The following TNIK variants were observed in gnomAD, a reference collection of about 807,000 sequenced individuals.
The protein encoded by TNIK is TRAF2 and NCK interacting kinase, also known as TRAF2 and NCK-interacting protein kinase.
In TNIK, 49 loss-of-function variants were observed where a neutral mutation model predicts 191.3. That is an observed-to-expected ratio of 0.26 (90% CI 0.20 to 0.32). TNIK has a LOEUF of 0.32. TNIK is among the 10% of genes least tolerant of loss of function. The pLI is 1.00. For synonymous variants in TNIK, 594 were observed against 600.9 expected (o/e 0.99, Z 0.17); for missense variants, 1,155 against 1,702.3 (o/e 0.68, Z 5.66).
chr3:171,369,186 T>C (rs1464134519), intron 2 of TNIK, among the ~76,000 whole-genome samples: 1 of 152,196 alleles, frequency 6.6e-6, no homozygotes, highest in African/African-American at 2.4e-5. Flanking sequence ...AACCCAGTTT[T>C]CTTCCAACAC....
intron 12 of TNIK, 136 bp downstream of exon 12, chr3:171,157,324 T>A (rs954935467): frequency 1.2e-5 from 13 of 1,081,534 alleles, no homozygotes; most frequent in Non-Finnish European, 1.7e-5. Context: ...TCAGGACTTA[T>A]CTGCCCTTGC....
chr3:171,211,304 C>A, intron 3 of TNIK, 63 bp from the exon 4 acceptor site: 1 of 1,516,048 alleles, frequency 6.6e-7, no homozygotes, highest in Non-Finnish European at 8.8e-7. Flanking sequence ...GGATTCTGTT[C>A]TTCAACACCA....
chr3:171,177,248 C>T lies in TNIK; in HGVS notation c.694+78G>A, dbSNP rs1736077327. Reference sequence around the variant, plus strand: ...GCTCGGTGTAGTGGAAGTAAAGCAACTGCAGCTCCTGGCAAGGAAACTTCA... The same window carrying T: ...GCTCGGTGTAGTGGAAGTAAAGCAATTGCAGCTCCTGGCAAGGAAACTTCA... On this transcript the variant is annotated intron_variant, in intron 8 of 32. Transcript: ENST00000436636. The T allele has an allele frequency of 1.3e-5, 19 of 1,493,692 alleles. No homozygotes were observed. In the South Asian group the frequency reaches 2.0e-4, roughly 16 times the overall value. The allele number at this position is 1,493,692 out of a possible 1,614,324, so 92.5% of individuals were successfully genotyped here.
intron 21 of TNIK, 101 bp from the exon 22 acceptor site, chr3:171,101,734 A>T: frequency 8.5e-7 from 1 of 1,179,490 alleles, no homozygotes; most frequent in Non-Finnish European, 1.2e-6. Context: ...GAAAAAAAAA[A>T]GCTCTATATA....
In TNIK at chr3:171,252,108, TA is replaced by T. The variant is rs1746301553; in HGVS notation, c.124-23888del. ...TGTGTGTGTGTCATATCTCTTTACT[TA>T]ACAGCCAAAACAATCTCCTATGTTA... On this transcript the variant is annotated intron_variant, in intron 2 of 32. Coordinates refer to ENST00000436636, the MANE Select transcript of TNIK (RefSeq NM_015028.4). Among the ~76,000 whole-genome samples, 5 of 152,092 alleles carry T rather than the reference TA, an allele frequency of 3.3e-5. No individual in the cohort carries two copies. The South Asian group carries it at 1.0e-3, about 32-fold the overall frequency.
chr3:171,117,164 A>G (rs1726855452), intron 18 of TNIK, among the ~76,000 whole-genome samples: 1 of 152,238 alleles, frequency 6.6e-6, no homozygotes, highest in Non-Finnish European at 1.5e-5. Context: ...AAATAACAAT[A>G]GGATCAAGAG....
intron 2 of TNIK, among the ~76,000 whole-genome samples, chr3:171,262,291 C>G (rs76189435): frequency 0.064 from 9,713 of 152,014 alleles, 361 homozygotes; most frequent in Middle Eastern, 0.12. Context: ...TCACATCACA[C>G]CCCACCCCAC....
At chr3:171,174,065 G>A (rs984181368) in intron 9 of TNIK, among the ~76,000 whole-genome samples, 1 of 152,184 alleles carries the variant, frequency 6.6e-6, no homozygotes, top group Non-Finnish European at 1.5e-5. Context: ...CTGCCTCCTT[G>A]TTACCAATAG....
At chr3:171,310,073 T>C (rs1353851431) in intron 2 of TNIK, among the ~76,000 whole-genome samples, 1 of 151,964 alleles carries the variant, frequency 6.6e-6, no homozygotes, top group Non-Finnish European at 1.5e-5. Flanking sequence ...TTACCACCTT[T>C]ACTTCTTTAC....
At chr3:171,081,918 T>C (rs1232488911) in intron 27 of TNIK, among the ~76,000 whole-genome samples, 3 of 152,184 alleles carry the variant, frequency 2.0e-5, no homozygotes, top group African/African-American at 7.2e-5. Context: ...CATTTTGATA[T>C]TCTGTCTGTA....
At chr3:171,231,812 C>T (rs983800928) in intron 2 of TNIK, among the ~76,000 whole-genome samples, 1 of 152,058 alleles carries the variant, frequency 6.6e-6, no homozygotes, top group Non-Finnish European at 1.5e-5. Flanking sequence ...GGAAGGGGCC[C>T]CTAAGAGCCT....
intron 1 of TNIK, among the ~76,000 whole-genome samples, chr3:171,405,092 A>G (rs1419042750): frequency 1.3e-5 from 2 of 152,144 alleles, no homozygotes; most frequent in Non-Finnish European, 2.9e-5. Context: ...ATCATTATCC[A>G]TTTTACAGAT....
rs1466911136 is a variant in TNIK at position 171,060,399 on chromosome 3, T to A, written c.*3482A>T. Among the ~76,000 whole-genome samples the A allele has an allele frequency of 3.3e-5, 5 of 152,124 alleles. No individual in the cohort carries two copies. Among genetic ancestry groups the A allele is most frequent in the Non-Finnish European group, 7.4e-5 (5 of 68,006 alleles). On this transcript the variant is annotated 3_prime_UTR_variant, in exon 33 of 33. Transcript: ENST00000436636. The stretch of plus-strand genomic sequence containing the variant: ...TGACAACCAGGAACTAAGGTGTTTT[T>A]AAAAAACATGTACTTGATGCAAAGT...
chr3:171,095,021 A>G (rs1444104642), intron 22 of TNIK, among the ~76,000 whole-genome samples: 3 of 152,228 alleles, frequency 2.0e-5, no homozygotes, highest in African/African-American at 7.2e-5. Context: ...ATCTACTAAG[A>G]ACATTCTGGC....
intron 2 of TNIK, among the ~76,000 whole-genome samples, chr3:171,350,568 CAT>C (rs1199454686): frequency 2.5e-5 from 3 of 120,358 alleles, no homozygotes; most frequent in Non-Finnish European, 4.9e-5. Flanking sequence ...GAAAGATTTC[CAT>C]ATAACAAGTT....
intron 1 of TNIK, among the ~76,000 whole-genome samples, chr3:171,399,613 A>C (rs1234857613): frequency 2.0e-5 from 3 of 152,226 alleles, no homozygotes; most frequent in Non-Finnish European, 4.4e-5. Context: ...CCGATAAAAA[A>C]ATTATGTTGA....
intron 7 of TNIK, among the ~76,000 whole-genome samples, chr3:171,185,952 G>A (rs1737316033): frequency 6.6e-6 from 1 of 152,020 alleles, no homozygotes; most frequent in African/African-American, 2.4e-5. Flanking sequence ...AGCACATGAG[G>A]GCCCAAAGTG....
At chr3:171,358,996 G>A (rs1204280126) in intron 2 of TNIK, among the ~76,000 whole-genome samples, 1 of 152,130 alleles carries the variant, frequency 6.6e-6, no homozygotes, top group African/African-American at 2.4e-5. Flanking sequence ...ACTGGTTCAG[G>A]GTTTCAGTTG....
At chr3:171,086,286 C>T (rs1023899313) in intron 24 of TNIK, among the ~76,000 whole-genome samples, 2 of 152,190 alleles carry the variant, frequency 1.3e-5, no homozygotes, top group Admixed American at 6.5e-5. Context: ...AAAACCATTT[C>T]ATCCTCCTCA....
Sources: gnomAD v4.1 joint callset for allele counts (sites outside exome capture counted in the v4.1 genomes callset) on GRCh38, gnomAD v4.1.1 for gene constraint, MANE v1.5 for transcripts, NCBI Gene and HGNC (gene_info 2026-07-23, HGNC 2026-07-21) for gene names.